The following STK32A variants were observed in gnomAD, a reference collection of about 807,000 sequenced individuals.
STK32A encodes the protein serine/threonine-protein kinase 32A.
In STK32A, 41 loss-of-function variants were observed where a neutral mutation model predicts 53.2. The ratio of observed to expected loss-of-function variants is 0.77; its 90% CI spans 0.60 to 1.00. The LOEUF is 1.00. Among genes scored for constraint, STK32A ranks in the 50% least tolerant of loss-of-function variants. STK32A has a pLI of 0.00. For missense variants in STK32A, 458 were observed against 485.8 expected (o/e 0.94, Z 0.54); for synonymous variants, 166 against 162.8 (o/e 1.02, Z -0.15).
intron 2 of STK32A, among the ~76,000 whole-genome samples, chr5:147,263,464 A>G (rs1463030978): frequency 2.0e-5 from 3 of 152,186 alleles, no homozygotes; most frequent in Non-Finnish European, 4.4e-5. Flanking sequence ...ACAAATGAAC[A>G]GGGAAAAAGT....
At chr5:147,328,642 C>A (rs1271469513) in intron 5 of STK32A, among the ~76,000 whole-genome samples, 1 of 152,142 alleles carries the variant, frequency 6.6e-6, no homozygotes, top group African/African-American at 2.4e-5. Flanking sequence ...TACTTGAAAT[C>A]TGCAAATAAA....
At chr5:147,259,197 C>T (rs1263800675) in intron 2 of STK32A, among the ~76,000 whole-genome samples, 2 of 152,150 alleles carry the variant, frequency 1.3e-5, no homozygotes, top group Non-Finnish European at 2.9e-5. Flanking sequence ...TAGCCCCATA[C>T]TTTAAGATTT....
chr5:147,345,654 T>C (rs1262328802), intron 6 of STK32A, among the ~76,000 whole-genome samples: 5 of 152,168 alleles, frequency 3.3e-5, no homozygotes, highest in Non-Finnish European at 7.3e-5. Flanking sequence ...TACATTCTGC[T>C]GTCTTTCATG....
rs1757561344 is a variant in STK32A at position 147,384,116 on chromosome 5, A to C, written c.*133A>C. ...AAATGTGAATGAATATATTTCAAAAAAGGCAGCACAACACAGTGAAGGGTC... is the reference window on the plus strand; with the variant it reads ...AAATGTGAATGAATATATTTCAAAACAGGCAGCACAACACAGTGAAGGGTC... On this transcript the variant is annotated 3_prime_UTR_variant, in exon 13 of 13. Coordinates refer to ENST00000397936, the MANE Select transcript of STK32A (RefSeq NM_001112724.2). 2 of 1,488,630 alleles carry C rather than the reference A, an allele frequency of 1.3e-6. No individual in the cohort carries two copies. The highest frequency in any genetic ancestry group is 2.5e-5 in the East Asian group (1 of 39,300). 92.2% of individuals were successfully genotyped at this position (1,488,630 alleles called of 1,614,324 possible). A position where few individuals can be genotyped will look rare whatever the true frequency, so the allele number is the denominator to read the frequency against.
chr5:147,314,504 AAACAAAAAAAAACAAAAAAAAAC>A (rs368570074), intron 4 of STK32A, among the ~76,000 whole-genome samples: 32,211 of 68,716 alleles, frequency 0.47, 5,576 homozygotes, highest in Middle Eastern at 0.55. Context: ...ATATCAAAAA[AAACAAAAAAAAACAAAAAAAAAC>A]AAAAAAAAAA....
In STK32A at chr5:147,385,453, A is replaced by G. The variant is rs1223169979; in HGVS notation, c.*1470A>G. The G allele has an allele frequency of 6.6e-6, 1 of 152,188 alleles. No homozygotes were observed. The highest frequency in any genetic ancestry group is 2.4e-5 in the African/African-American group (1 of 41,438). The allele number at this position is 152,188 out of a possible 1,614,324, so 9.4% of individuals were successfully genotyped here. On this transcript the variant is annotated 3_prime_UTR_variant, in exon 13 of 13. Transcript: ENST00000397936. ...CAAACCTGGCCTTAGAATTACTCTT[A>G]GAACAGTGGAATGCCCACACATCCA...
At chr5:147,239,492 C>G in intron 1 of STK32A, 47 bp from the exon 2 acceptor site, 1 of 624,994 alleles carries the variant, frequency 1.6e-6, no homozygotes. Context: ...CTCAGGGTGC[C>G]TAGAGTATAG....
chr5:147,259,175 T>C (rs2151945651), intron 2 of STK32A, among the ~76,000 whole-genome samples: 1 of 152,342 alleles, frequency 6.6e-6, no homozygotes, highest in South Asian at 2.1e-4. Flanking sequence ...AAATCATCTT[T>C]TTCTAACAGA....
intron 6 of STK32A, among the ~76,000 whole-genome samples, chr5:147,346,894 C>A (rs535996577): frequency 6.6e-6 from 1 of 152,122 alleles, no homozygotes; most frequent in Non-Finnish European, 1.5e-5. Flanking sequence ...AAAAACTCAG[C>A]GTAGGAGGTG....
intron 5 of STK32A, among the ~76,000 whole-genome samples, chr5:147,334,015 T>C (rs1754998478): frequency 6.6e-6 from 1 of 152,182 alleles, no homozygotes; most frequent in Non-Finnish European, 1.5e-5. Flanking sequence ...GCTCCTATTA[T>C]AATGCTTGCA....
chr5:147,333,383 T>G (rs1392815970), intron 5 of STK32A, among the ~76,000 whole-genome samples: 1 of 152,148 alleles, frequency 6.6e-6, no homozygotes, highest in Non-Finnish European at 1.5e-5. Context: ...ATGAAGATAT[T>G]TTATTTGCTC....
intron 4 of STK32A, among the ~76,000 whole-genome samples, chr5:147,304,083 A>G (rs1753278530): frequency 1.3e-5 from 2 of 152,208 alleles, no homozygotes; most frequent in African/African-American, 4.8e-5. Context: ...TTTCACAAAG[A>G]TTAGGGACAA....
intron 6 of STK32A, 86 bp from the exon 7 acceptor site, chr5:147,350,979 T>A: frequency 9.0e-7 from 1 of 1,108,154 alleles, no homozygotes; most frequent in South Asian, 1.3e-5. Context: ...ATTAACAGAC[T>A]AATTGGGTGT....
intron 7 of STK32A, among the ~76,000 whole-genome samples, chr5:147,357,537 A>G (rs1756306263): frequency 6.6e-6 from 1 of 152,042 alleles, no homozygotes; most frequent in Admixed American, 6.5e-5. Flanking sequence ...TGTACATTTC[A>G]TTACAAATAT....
chr5:147,372,669 C>T (rs1439625322), intron 9 of STK32A, among the ~76,000 whole-genome samples: 4 of 152,050 alleles, frequency 2.6e-5, no homozygotes, highest in Non-Finnish European at 4.4e-5. Context: ...ATAACAGTTA[C>T]TTTAGTTACA....
chr5:147,278,278 A>G, intron 3 of STK32A, 99 bp downstream of exon 3: 1 of 914,820 alleles, frequency 1.1e-6, no homozygotes, highest in Non-Finnish European at 1.7e-6. Flanking sequence ...TGGGACCGCA[A>G]GGAAAGATAA....
intron 4 of STK32A, among the ~76,000 whole-genome samples, chr5:147,312,914 C>G (rs1753773747): frequency 6.6e-6 from 1 of 151,978 alleles, no homozygotes; most frequent in Non-Finnish European, 1.5e-5. Flanking sequence ...CATTAGACTG[C>G]CCAGAATACA....
chr5:147,286,061 G>T (rs1392618204), intron 4 of STK32A, among the ~76,000 whole-genome samples: 1 of 152,088 alleles, frequency 6.6e-6, no homozygotes, highest in Admixed American at 6.6e-5. Flanking sequence ...AGAAACTGTG[G>T]TATATGTATA....
chr5:147,362,653 G>T (rs563463739), intron 8 of STK32A, among the ~76,000 whole-genome samples: 3 of 152,200 alleles, frequency 2.0e-5, no homozygotes, highest in South Asian at 4.1e-4. Flanking sequence ...AGTCCCAAAA[G>T]TCTTAACTTA....
Sources: allele counts gnomAD v4.1 joint callset (sites outside exome capture counted in the v4.1 genomes callset), GRCh38; gene constraint gnomAD v4.1.1; transcripts MANE v1.5; gene names NCBI Gene and HGNC (gene_info 2026-07-23, HGNC 2026-07-21).